Variants in SLC9A2 observed in about 807,000 individuals in gnomAD.
The protein encoded by SLC9A2 is solute carrier family 9 member A2.
SLC9A2 carries 42 observed loss-of-function variants against 71.7 expected under a neutral mutation model. The observed-to-expected ratio is 0.59, with a 90% CI of 0.46 to 0.76. SLC9A2 has a LOEUF of 0.76. Among genes scored for constraint, SLC9A2 ranks in the 30% least tolerant of loss-of-function variants. The probability of loss-of-function intolerance (pLI) is 0.00; values close to 1 mark genes in which losing one functional copy is unlikely to be tolerated. For missense variants in SLC9A2, 829 were observed against 1,017.4 expected (o/e 0.81, Z 2.52); for synonymous variants, 396 against 392.5 (o/e 1.01, Z -0.10).
rs1490998860 is a variant in SLC9A2 at position 102,619,633 on chromosome 2, TC to T, written c.-215del. On this transcript the variant is annotated 5_prime_UTR_variant, in exon 1 of 12. Transcript: ENST00000233969. The surrounding 1 kb of genome is among the most constrained non-coding windows in gnomAD (Gnocchi z 4.3). ...TGCTGAGGGTACGCGCAGCGGCCTC[TC>T]GTCGCCCTGCACGTGCCTCGCCAGG... 4 of 425,610 alleles carry T rather than the reference TC, an allele frequency of 9.4e-6. No individual in the cohort carries two copies. The highest frequency in any genetic ancestry group is 1.2e-5 in the Non-Finnish European group (3 of 244,286). The allele number at this position is 425,610 out of a possible 1,614,324, so 26.4% of individuals were successfully genotyped here.
intron 1 of SLC9A2, among the ~76,000 whole-genome samples, chr2:102,639,693 C>T (rs144435357): frequency 7.2e-5 from 11 of 152,340 alleles, no homozygotes; most frequent in African/African-American, 2.4e-4. Flanking sequence ...GTCCATTAAA[C>T]ACTTACTCCC....
rs56067364 is a variant in SLC9A2 at position 102,670,041 on chromosome 2, A to ATTT, written c.1004+4697_1004+4699dup. Among the ~76,000 whole-genome samples, 718 of 149,962 alleles carry ATTT rather than the reference A, an allele frequency of 4.8e-3. 7 individuals carry two copies. Among genetic ancestry groups the ATTT allele is most frequent in the African/African-American group, 0.016 (643 of 40,768 alleles). On this transcript the variant is annotated intron_variant, in intron 3 of 11. Coordinates refer to ENST00000233969, the MANE Select transcript of SLC9A2 (RefSeq NM_003048.6). The stretch of plus-strand genomic sequence containing the variant: ...TTTTATTTTTTTATTTTTATTTTTT[A>ATTT]TTTTTTTTGAGACAGAGTCTTGCTC...
rs139339936 is a variant in SLC9A2 at position 102,670,077 on chromosome 2, G to A, written c.1004+4727G>A. ...GACAGAGTCTTGCTCTGTTGCCCAG[G>A]CTGGAATGCAGTGGCGCGATCTCTG... On this transcript the variant is annotated intron_variant, in intron 3 of 11. Coordinates refer to ENST00000233969, the MANE Select transcript of SLC9A2 (RefSeq NM_003048.6). Among the ~76,000 whole-genome samples the A allele has an allele frequency of 3.0e-3, 451 of 151,092 alleles. 1 individual carries two copies. The highest frequency in any genetic ancestry group is 0.011 in the African/African-American group (432 of 41,120).
chr2:102,665,819 G>C (rs937616846), intron 3 of SLC9A2, among the ~76,000 whole-genome samples: 4 of 102,904 alleles, frequency 3.9e-5, no homozygotes, highest in Non-Finnish European at 8.2e-5. Flanking sequence ...CTTATGTTTT[G>C]TTACAAAGAA....
At chr2:102,644,166 G>A (rs1159464562) in intron 1 of SLC9A2, among the ~76,000 whole-genome samples, 1 of 151,966 alleles carries the variant, frequency 6.6e-6, no homozygotes, top group Non-Finnish European at 1.5e-5. Context: ...GACAGTGGGT[G>A]CAGCCCATGG....
intron 1 of SLC9A2, among the ~76,000 whole-genome samples, chr2:102,633,596 G>C (rs1468601613): frequency 2.6e-5 from 4 of 152,150 alleles, no homozygotes; most frequent in Non-Finnish European, 4.4e-5. Context: ...GTTAGGATTA[G>C]TATGACCTCA....
intron 1 of SLC9A2, among the ~76,000 whole-genome samples, chr2:102,620,908 C>T (rs1466101986): frequency 6.6e-6 from 1 of 151,958 alleles, no homozygotes; most frequent in Non-Finnish European, 1.5e-5. Flanking sequence ...AGGTGATTCA[C>T]GCCTGTAATC....
At chr2:102,668,358 C>A (rs1328017387) in intron 3 of SLC9A2, among the ~76,000 whole-genome samples, 1 of 120,046 alleles carries the variant, frequency 8.3e-6, no homozygotes, top group Non-Finnish European at 1.9e-5. Context: ...GATGTGCATG[C>A]CCCGCCCCTC....
In SLC9A2 at chr2:102,658,007, C is replaced by T; in HGVS notation, c.733C>T (p.Leu245=). The change falls in exon 2 of 12, where the codon CTG becomes TTG. Residue 245 remains leucine, a synonymous_variant. Transcript: ENST00000233969. ...LYILVFGESL[L]NDAVTVVLYN... The stretch of plus-strand genomic sequence containing the variant: ...CATCCTGGTCTTTGGAGAGTCCCTG[C>T]TGAATGATGCAGTAACAGTGGTGAG... 1 of 1,608,282 alleles carries T rather than the reference C, an allele frequency of 6.2e-7. No individual in the cohort carries two copies. Among genetic ancestry groups the T allele is most frequent in the Non-Finnish European group, 8.5e-7 (1 of 1,176,944 alleles).
chr2:102,671,024 A>G (rs1264264550), intron 3 of SLC9A2, among the ~76,000 whole-genome samples: 2 of 152,136 alleles, frequency 1.3e-5, no homozygotes, highest in Non-Finnish European at 2.9e-5. Flanking sequence ...TAATAAACAC[A>G]AGACATTGTA....
At chr2:102,622,661 T>A (rs1379608345) in intron 1 of SLC9A2, among the ~76,000 whole-genome samples, 2 of 152,166 alleles carry the variant, frequency 1.3e-5, no homozygotes, top group East Asian at 3.9e-4. Flanking sequence ...TCCAGAAGGC[T>A]TGTTCTTTTG....
chr2:102,624,720 C>G (rs1676211720), intron 1 of SLC9A2, among the ~76,000 whole-genome samples: 1 of 152,090 alleles, frequency 6.6e-6, no homozygotes, highest in African/African-American at 2.4e-5. Context: ...TTTCTCTGCC[C>G]CTAAGTTGGA....
chr2:102,642,574 A>G (rs1369403363), intron 1 of SLC9A2, among the ~76,000 whole-genome samples: 1 of 152,088 alleles, frequency 6.6e-6, no homozygotes, highest in Non-Finnish European at 1.5e-5. Context: ...TTATTTGCTG[A>G]CATTTTTGCA....
intron 1 of SLC9A2, among the ~76,000 whole-genome samples, chr2:102,621,806 G>C (rs1042318013): frequency 3.9e-5 from 6 of 152,182 alleles, no homozygotes; most frequent in African/African-American, 1.4e-4. Context: ...TCCTCATGCA[G>C]AGCAAACATT....
At chr2:102,673,826 G>A (rs958289149) in intron 3 of SLC9A2, among the ~76,000 whole-genome samples, 15 of 146,778 alleles carry the variant, frequency 1.0e-4, no homozygotes, top group Admixed American at 6.9e-4. Context: ...TCACTCTGTC[G>A]CCCAGGCTGG....
intron 1 of SLC9A2, among the ~76,000 whole-genome samples, chr2:102,643,170 G>A (rs964826446): frequency 1.3e-5 from 2 of 152,144 alleles, no homozygotes; most frequent in Non-Finnish European, 2.9e-5. Context: ...CTATGGTGAC[G>A]TCCATGTTCT....
Position 102,619,739 on chromosome 2 carries a change from T to C in SLC9A2, c.-110T>C. On this transcript the variant is annotated 5_prime_UTR_variant, in exon 1 of 12. Coordinates refer to ENST00000233969, the MANE Select transcript of SLC9A2 (RefSeq NM_003048.6). This position sits in a 1 kb window ranked among gnomAD's most constrained non-coding sequence, Gnocchi z 4.3. ...CGCAGCAGCGGCGGGTGGCTGTCGC[T>C]GCCCTGCCCTGCACGGGGCAGGGCG... 1 of 994,488 alleles carries C rather than the reference T, an allele frequency of 1.0e-6. No homozygotes were observed. 61.6% of individuals were successfully genotyped at this position (994,488 alleles called of 1,614,324 possible).
At chr2:102,677,395 G>A (rs186952730) in intron 3 of SLC9A2, among the ~76,000 whole-genome samples, 15 of 152,268 alleles carry the variant, frequency 9.9e-5, no homozygotes, top group African/African-American at 3.4e-4. Flanking sequence ...CTCAGTTGCT[G>A]GTGTAAGTGA....
rs1678054200 is a variant in SLC9A2 at position 102,709,258 on chromosome 2, C to A, written c.*769C>A. On this transcript the variant is annotated 3_prime_UTR_variant, in exon 12 of 12. Transcript: ENST00000233969. ...GAGAGAAAGGTTGCCCAGACATCCA[C>A]CAGCTTACTGTGTTGACAGATTTGG... is the stretch of plus-strand genomic sequence containing the variant. 1 of 152,418 alleles carries A rather than the reference C, an allele frequency of 6.6e-6. No homozygotes were observed. The highest frequency in any genetic ancestry group is 1.5e-5 in the Non-Finnish European group (1 of 68,104). The allele number at this position is 152,418 out of a possible 1,614,324, so 9.4% of individuals were successfully genotyped here. A position where few individuals can be genotyped will look rare whatever the true frequency, so the allele number is the denominator to read the frequency against.
Sources: allele counts gnomAD v4.1 joint callset (sites outside exome capture counted in the v4.1 genomes callset), GRCh38; gene constraint gnomAD v4.1.1; non-coding constraint Gnocchi (gnomAD v3.1); transcripts MANE v1.5; gene names NCBI Gene and HGNC (gene_info 2026-07-23, HGNC 2026-07-21).